Variants in FHIT observed in about 807,000 individuals in gnomAD.
The protein encoded by FHIT is fragile histidine triad diadenosine triphosphatase.
In FHIT, 19 loss-of-function variants were observed where a neutral mutation model predicts 17.9. That is an observed-to-expected ratio of 1.06 (90% CI 0.74 to 1.56). FHIT has a LOEUF of 1.56. Among genes scored for constraint, FHIT ranks in the 40% most tolerant of loss-of-function variants. FHIT has a pLI of 0.00. For missense variants in FHIT, 248 were observed against 189.2 expected (o/e 1.31, Z -1.82); for synonymous variants, 81 against 69.7 (o/e 1.16, Z -0.81).
intron 5 of FHIT, among the ~76,000 whole-genome samples, chr3:60,228,292 G>T (rs866073301): frequency 1.1e-4 from 16 of 152,244 alleles, no homozygotes; most frequent in African/African-American, 3.9e-4. Context: ...ATTAGTGGTT[G>T]CCAGGGACAT....
intron 3 of FHIT, among the ~76,000 whole-genome samples, chr3:61,031,353 T>A (rs1048886569): frequency 6.6e-6 from 1 of 152,186 alleles, no homozygotes; most frequent in Non-Finnish European, 1.5e-5. Context: ...CCAGTAGCCA[T>A]CTTTGCTATA....
chr3:59,977,515 A>T (rs1380705059), intron 7 of FHIT, among the ~76,000 whole-genome samples: 2 of 152,184 alleles, frequency 1.3e-5, no homozygotes, highest in African/African-American at 4.8e-5. Flanking sequence ...AAATAAACGT[A>T]TTTAAGTTTA....
intron 4 of FHIT, chr3:60,732,267 C>A: frequency 2.2e-6 from 2 of 902,094 alleles, no homozygotes; most frequent in Non-Finnish European, 3.7e-6. Context: ...CACATGCTTG[C>A]CATCCAACCA....
intron 4 of FHIT, among the ~76,000 whole-genome samples, chr3:60,701,209 G>A (rs1553702026): frequency 2.7e-5 from 4 of 147,778 alleles, no homozygotes; most frequent in African/African-American, 5.0e-5. Context: ...CTGCAGCCTC[G>A]ACTTCCCTGG....
At chr3:61,043,080 G>C (rs2107695215) in intron 2 of FHIT, among the ~76,000 whole-genome samples, 1 of 152,246 alleles carries the variant, frequency 6.6e-6, no homozygotes, top group Middle Eastern at 3.4e-3. Context: ...TCCAACTGAG[G>C]TACCGGGTTC....
intron 5 of FHIT, among the ~76,000 whole-genome samples, chr3:60,426,131 C>T (rs1702654718): frequency 1.3e-5 from 2 of 152,138 alleles, no homozygotes; most frequent in Non-Finnish European, 2.9e-5. Flanking sequence ...TCAACTCTAC[C>T]ACTTATAAGC....
At chr3:60,433,922 G>A (rs1272293484) in intron 5 of FHIT, among the ~76,000 whole-genome samples, 1 of 152,010 alleles carries the variant, frequency 6.6e-6, no homozygotes, top group Non-Finnish European at 1.5e-5. Flanking sequence ...TTCAGTGTGA[G>A]GTAGTTTCAA....
chr3:60,052,890 ATG>A (rs1701939152), intron 5 of FHIT, among the ~76,000 whole-genome samples: 1 of 151,560 alleles, frequency 6.6e-6, no homozygotes, highest in South Asian at 2.1e-4. Context: ...CTAACAAAGT[ATG>A]TGTTATTTAT....
chr3:60,833,477 A>C (rs1553743122), intron 3 of FHIT, among the ~76,000 whole-genome samples: 2 of 152,184 alleles, frequency 1.3e-5, no homozygotes. Flanking sequence ...TCCCCTTTTA[A>C]ATCAGTCCCT....
chr3:60,736,905 C>A (rs1225823793), intron 4 of FHIT, among the ~76,000 whole-genome samples: 1 of 152,178 alleles, frequency 6.6e-6, no homozygotes, highest in Non-Finnish European at 1.5e-5. Context: ...AAGTGACGTT[C>A]TTGTTGGAGC....
chr3:61,084,170 G>A (rs928609211), intron 2 of FHIT, among the ~76,000 whole-genome samples: 1 of 152,098 alleles, frequency 6.6e-6, no homozygotes, highest in Non-Finnish European at 1.5e-5. Context: ...TGAAAAGATC[G>A]CCCTTTCTTC....
chr3:60,758,574 G>C (rs911878373), intron 4 of FHIT, among the ~76,000 whole-genome samples: 52 of 152,292 alleles, frequency 3.4e-4, no homozygotes, highest in Admixed American at 2.2e-3. Flanking sequence ...AAAATCATGG[G>C]CGTGCGGATT....
At chr3:61,011,755 A>G (rs1054494778) in intron 3 of FHIT, among the ~76,000 whole-genome samples, 12 of 152,152 alleles carry the variant, frequency 7.9e-5, no homozygotes, top group Non-Finnish European at 1.6e-4. Flanking sequence ...TGCTCCTGAG[A>G]AAAAAGTCCC....
chr3:60,697,348 T>A (rs1240743508), intron 4 of FHIT, among the ~76,000 whole-genome samples: 8 of 152,150 alleles, frequency 5.3e-5, no homozygotes, highest in African/African-American at 1.4e-4. Context: ...TGTATTGACT[T>A]GGGTGAACCT....
intron 8 of FHIT, among the ~76,000 whole-genome samples, chr3:59,791,860 G>A (rs1416888457): frequency 2.6e-5 from 4 of 152,064 alleles, no homozygotes; most frequent in Admixed American, 2.6e-4. Context: ...CAGAAAGTAG[G>A]GGCGCCAAGG....
At chr3:59,828,906 A>G (rs1361921706) in intron 8 of FHIT, among the ~76,000 whole-genome samples, 1 of 151,498 alleles carries the variant, frequency 6.6e-6, no homozygotes, top group Non-Finnish European at 1.5e-5. Context: ...AATAAGCAAG[A>G]CAAATTTATT....
chr3:60,742,423 C>G (rs1418327936), intron 4 of FHIT, among the ~76,000 whole-genome samples: 2 of 152,138 alleles, frequency 1.3e-5, no homozygotes, highest in Non-Finnish European at 2.9e-5. Flanking sequence ...GGTCTATATT[C>G]TTCATTCCTA....
At chr3:61,155,030 G>A (rs1489644313) in intron 2 of FHIT, among the ~76,000 whole-genome samples, 5 of 152,140 alleles carry the variant, frequency 3.3e-5, no homozygotes, top group Admixed American at 2.6e-4. Context: ...CATCATTTCC[G>A]CTCTCTTCAG....
chr3:59,767,398 C>T (rs911440103), intron 8 of FHIT, among the ~76,000 whole-genome samples: 2 of 152,086 alleles, frequency 1.3e-5, no homozygotes, highest in Non-Finnish European at 1.5e-5. Context: ...ATTCGGGAGG[C>T]TGAGGCAGGA....
Sources: allele counts gnomAD v4.1 joint callset (sites outside exome capture counted in the v4.1 genomes callset), GRCh38; gene constraint gnomAD v4.1.1; transcripts MANE v1.5; gene names NCBI Gene and HGNC (gene_info 2026-07-23, HGNC 2026-07-21).